The following TAFA2 variants were observed in gnomAD, a reference collection of about 807,000 sequenced individuals.
The protein encoded by TAFA2 is TAFA chemokine like family member 2, also known as chemokine-like protein TAFA-2.
Under a neutral mutation model 18.8 loss-of-function variants are expected in TAFA2, and 7 were observed. The observed-to-expected ratio is 0.37, with a 90% CI of 0.21 to 0.70. The LOEUF is 0.70. TAFA2 is among the 30% of genes least tolerant of loss of function. The probability of loss-of-function intolerance (pLI) is 0.53; values close to 1 mark genes in which losing one functional copy is unlikely to be tolerated. For missense variants in TAFA2, 122 were observed against 158.1 expected, an observed-to-expected ratio of 0.77 and a Z score of 1.23; for synonymous variants, 60 against 54.2, an observed-to-expected ratio of 1.11 and a Z score of -0.47.
intron 1 of TAFA2, among the ~76,000 whole-genome samples, chr12:61,921,218 G>T (rs1056296698): frequency 6.6e-6 from 1 of 152,198 alleles, no homozygotes; most frequent in Admixed American, 6.5e-5. Flanking sequence ...CATCCTGCCA[G>T]GTACATTGAG....
intron 1 of TAFA2, among the ~76,000 whole-genome samples, chr12:61,964,901 ATTAT>A (rs1171510604): frequency 2.0e-5 from 3 of 151,788 alleles, no homozygotes; most frequent in Non-Finnish European, 4.4e-5. Context: ...TAACTAAATA[ATTAT>A]TTATTTACAC....
At chr12:62,004,905 G>A (rs1036432094) in intron 1 of TAFA2, among the ~76,000 whole-genome samples, 30 of 151,964 alleles carry the variant, frequency 2.0e-4, no homozygotes, top group Non-Finnish European at 4.0e-4. Flanking sequence ...AGAACATCAC[G>A]CTACATTAAA....
chr12:62,161,018 T>C (rs1592374400), intron 1 of TAFA2, among the ~76,000 whole-genome samples: 1 of 152,310 alleles, frequency 6.6e-6, no homozygotes, highest in South Asian at 2.1e-4. Context: ...AAGAATCATA[T>C]GAATGTATGA....
upstream of TAFA2, chr12:62,259,915 C>G (rs920488766): frequency 6.1e-6 from 1 of 163,522 alleles, no homozygotes; most frequent in African/African-American, 2.4e-5. Flanking sequence ...AGCTTGGGTT[C>G]TCCCACTCGT....
At chr12:62,150,422 A>G (rs2062320051) in intron 1 of TAFA2, among the ~76,000 whole-genome samples, 1 of 152,306 alleles carries the variant, frequency 6.6e-6, no homozygotes, top group Admixed American at 6.5e-5. Flanking sequence ...GTAGATAACT[A>G]ATACTATATT....
chr12:62,064,083 T>C (rs1882424639), intron 1 of TAFA2, among the ~76,000 whole-genome samples: 1 of 152,062 alleles, frequency 6.6e-6, no homozygotes, highest in South Asian at 2.1e-4. Context: ...ATTTTAGAGA[T>C]GAGAAAACTG....
intron 2 of TAFA2, chr12:61,775,791 C>T (rs1004338225): frequency 1.2e-4 from 19 of 157,966 alleles, no homozygotes; most frequent in Non-Finnish European, 2.6e-4. Flanking sequence ...ATTGGGGTGA[C>T]GATGTGTGAA....
At chr12:61,851,774 C>CAAAAAAAAA (rs55651727) in intron 2 of TAFA2, among the ~76,000 whole-genome samples, 9 of 14,500 alleles carry the variant, frequency 6.2e-4, no homozygotes, top group African/African-American at 7.5e-4. Context: ...GACTCCATCT[C>CAAAAAAAAA]AAAAAAAAAA....
chr12:62,027,536 C>A (rs908572921), intron 1 of TAFA2, among the ~76,000 whole-genome samples: 1 of 151,992 alleles, frequency 6.6e-6, no homozygotes, highest in African/African-American at 2.4e-5. Flanking sequence ...ATTTGTGTAG[C>A]ACCTTTCACA....
At chr12:61,835,159 G>A (rs1275969384) in intron 2 of TAFA2, among the ~76,000 whole-genome samples, 1 of 151,820 alleles carries the variant, frequency 6.6e-6, no homozygotes, top group Non-Finnish European at 1.5e-5. Flanking sequence ...CATAAAATTT[G>A]GAGGCAAGAA....
At chr12:61,933,532 G>A (rs1305477919) in intron 1 of TAFA2, among the ~76,000 whole-genome samples, 1 of 152,084 alleles carries the variant, frequency 6.6e-6, no homozygotes, top group Non-Finnish European at 1.5e-5. Context: ...GGCAATTATA[G>A]CAAGACCCCA....
chr12:62,225,063 C>T lies in TAFA2; in HGVS notation c.-130+33700G>A, dbSNP rs560827925. ...GAGCTGAGATCACACCACTGCACTC[C>T]AGCCTGGGCGACAGAGTGAGACTCC... is the stretch of plus-strand genomic sequence containing the variant. On this transcript the variant is annotated intron_variant, in intron 1 of 5. Transcript: ENST00000551619. 1.4e-4 allele frequency among the ~76,000 whole-genome samples: 22 copies of T among 151,994 alleles called. No homozygotes were observed. In the East Asian group the frequency reaches 4.1e-3, roughly 28 times the overall value.
chr12:62,099,865 A>G (rs1869112972), intron 1 of TAFA2, among the ~76,000 whole-genome samples: 2 of 152,182 alleles, frequency 1.3e-5, no homozygotes, highest in Admixed American at 1.3e-4. Context: ...ATGGATCTGG[A>G]TGCAAATACA....
At chr12:61,713,010 G>T (rs1869485836) in intron 4 of TAFA2, among the ~76,000 whole-genome samples, 1 of 152,128 alleles carries the variant, frequency 6.6e-6, no homozygotes, top group Admixed American at 6.6e-5. Context: ...GCTTTTGAAT[G>T]TATAAATCTT....
At chr12:61,759,406 C>G (rs1483117488) in intron 2 of TAFA2, among the ~76,000 whole-genome samples, 26 of 150,452 alleles carry the variant, frequency 1.7e-4, no homozygotes. Flanking sequence ...TATATGGAAG[C>G]TTTAAGAGCT....
chr12:62,149,775 C>G (rs941816121), intron 1 of TAFA2, among the ~76,000 whole-genome samples: 2 of 152,018 alleles, frequency 1.3e-5, no homozygotes, highest in Non-Finnish European at 2.9e-5. Context: ...CCAACTCTCA[C>G]TCAGCCACAA....
chr12:61,983,037 A>T (rs1417205069), intron 1 of TAFA2, among the ~76,000 whole-genome samples: 1 of 152,144 alleles, frequency 6.6e-6, no homozygotes, highest in Non-Finnish European at 1.5e-5. Context: ...AGAAAGCACA[A>T]GGTCAACAGC....
chr12:62,142,210 G>T (rs373990501), intron 1 of TAFA2, among the ~76,000 whole-genome samples: 1 of 152,130 alleles, frequency 6.6e-6, no homozygotes, highest in African/African-American at 2.4e-5. Flanking sequence ...TATACAATGA[G>T]AAAAATAATA....
intron 1 of TAFA2, among the ~76,000 whole-genome samples, chr12:62,179,180 A>G (rs756614592): frequency 6.6e-6 from 1 of 152,236 alleles, no homozygotes; most frequent in Non-Finnish European, 1.5e-5. Flanking sequence ...AAATTATACA[A>G]TTAATGAAAC....
Sources: gnomAD v4.1 joint callset for allele counts (sites outside exome capture counted in the v4.1 genomes callset) on GRCh38, gnomAD v4.1.1 for gene constraint, MANE v1.5 for transcripts, NCBI Gene and HGNC (gene_info 2026-07-23, HGNC 2026-07-21) for gene names.